The following PCLO variants were observed in gnomAD, a reference collection of about 807,000 sequenced individuals.
PCLO encodes the protein piccolo presynaptic cytomatrix protein.
In PCLO, 82 loss-of-function variants were observed where a neutral mutation model predicts 427.5. The ratio of observed to expected loss-of-function variants is 0.19; its 90% CI spans 0.16 to 0.23. The LOEUF is 0.23. Among genes scored for constraint, PCLO ranks in the 10% least tolerant of loss-of-function variants. The pLI, the probability that PCLO is intolerant of heterozygous loss-of-function variation, is 1.00. For synonymous variants in PCLO, 2,357 were observed against 2,155.4 expected, an observed-to-expected ratio of 1.09 and a Z score of -2.59; for missense variants, 6,239 against 6,115.9, an observed-to-expected ratio of 1.02 and a Z score of -0.67.
chr7:82,871,010 G>A (rs929472636), intron 10 of PCLO, among the ~76,000 whole-genome samples: 29 of 151,896 alleles, frequency 1.9e-4, no homozygotes, highest in African/African-American at 7.0e-4. Context: ...ACTGTTTGTG[G>A]CCATGTAAAT....
chr7:83,143,364 A>G (rs182680950), intron 2 of PCLO, among the ~76,000 whole-genome samples: 4 of 152,308 alleles, frequency 2.6e-5, no homozygotes, highest in Admixed American at 6.5e-5. Context: ...AGACACTAGC[A>G]TTCCTCAGAA....
intron 3 of PCLO, among the ~76,000 whole-genome samples, chr7:83,000,009 A>T (rs967622869): frequency 7.0e-6 from 1 of 142,676 alleles, no homozygotes; most frequent in South Asian, 2.3e-4. Flanking sequence ...GATCCAGGAA[A>T]CTCTGAGAAC....
chr7:82,933,107 T>A (rs6946596), intron 6 of PCLO, among the ~76,000 whole-genome samples: 83,435 of 151,758 alleles, frequency 0.55, 23,388 homozygotes, highest in East Asian at 0.8. Flanking sequence ...GATCCAGAAA[T>A]GACTCACTTT....
intron 3 of PCLO, among the ~76,000 whole-genome samples, chr7:82,995,602 G>T (rs79592457): frequency 0.035 from 5,347 of 151,970 alleles, 317 homozygotes; most frequent in African/African-American, 0.12. Flanking sequence ...GATATCAAAG[G>T]AAAAGCAATA....
At chr7:83,087,434 T>C (rs79831317) in intron 3 of PCLO, among the ~76,000 whole-genome samples, 18,453 of 151,802 alleles carry the variant, frequency 0.12, 1,426 homozygotes, top group Middle Eastern at 0.26. Context: ...CAAAAACCAC[T>C]TGTACCCCAA....
chr7:82,980,023 CCTTACA>C (rs1450927727), intron 3 of PCLO, among the ~76,000 whole-genome samples: 1 of 152,152 alleles, frequency 6.6e-6, no homozygotes, highest in African/African-American at 2.4e-5. Context: ...AGCCTCACAT[CCTTACA>C]ACTGTCATTC....
intron 3 of PCLO, among the ~76,000 whole-genome samples, chr7:83,123,766 A>T (rs980498611): frequency 1.3e-5 from 2 of 151,980 alleles, no homozygotes; most frequent in African/African-American, 4.8e-5. Flanking sequence ...GCTGAAACAA[A>T]TCCATAGAAA....
intron 4 of PCLO, among the ~76,000 whole-genome samples, chr7:82,959,580 A>T (rs1795610292): frequency 6.6e-6 from 1 of 152,180 alleles, no homozygotes; most frequent in Non-Finnish European, 1.5e-5. Flanking sequence ...AAATTAAGTG[A>T]CATTAGACAG....
chr7:83,038,920 C>A (rs75809040), intron 3 of PCLO, among the ~76,000 whole-genome samples: 1 of 151,910 alleles, frequency 6.6e-6, no homozygotes, highest in Non-Finnish European at 1.5e-5. Flanking sequence ...TTTATTCTAG[C>A]CATTCTAGTG....
At chr7:82,873,160 TTGCTA>T (rs1275684854) in intron 10 of PCLO, among the ~76,000 whole-genome samples, 1 of 149,998 alleles carries the variant, frequency 6.7e-6, no homozygotes, top group Non-Finnish European at 1.5e-5. Flanking sequence ...ACATGGCTGT[TTGCTA>T]TATTATTCTG....
intron 9 of PCLO, chr7:82,879,813 G>A: frequency 2.2e-6 from 1 of 450,418 alleles, no homozygotes; most frequent in Non-Finnish European, 4.4e-6. Context: ...TGAGACTAAG[G>A]AACATTTTAC....
chr7:82,754,984 A>G lies in PCLO; in HGVS notation c.*3591T>C, dbSNP rs1030455220. 6 of 152,288 alleles carry G rather than the reference A, an allele frequency of 3.9e-5. No homozygotes were observed. The highest frequency in any genetic ancestry group is 3.4e-3 in the Middle Eastern group (1 of 294). 9.4% of individuals were successfully genotyped at this position (152,288 alleles called of 1,614,324 possible). ...TTAAATAATAAAGTAAAAAAATACT[A>G]TAAACATCTTTATGATATTTTAATG... On this transcript the variant is annotated 3_prime_UTR_variant, in exon 25 of 25. Transcript: ENST00000333891.
intron 16 of PCLO, among the ~76,000 whole-genome samples, chr7:82,835,427 TC>T (rs1405919992): frequency 1.8e-4 from 28 of 152,324 alleles, no homozygotes; most frequent in African/African-American, 5.3e-4. Flanking sequence ...AATATTTTTT[TC>T]ATTGTTTCTA....
chr7:82,761,522 A>C, intron 22 of PCLO, 29 bp from the exon 23 acceptor site: 1 of 1,531,294 alleles, frequency 6.5e-7, no homozygotes, highest in Non-Finnish European at 8.9e-7. Flanking sequence ...AATGCAAAGA[A>C]GTATGTAATG....
chr7:82,877,733 T>C (rs1212951500), intron 10 of PCLO, among the ~76,000 whole-genome samples: 2 of 152,164 alleles, frequency 1.3e-5, no homozygotes, highest in East Asian at 3.9e-4. Context: ...TGGCATGATC[T>C]TGGCTTACTG....
In PCLO at chr7:83,162,838, C is replaced by A. The variant is rs1309002199; in HGVS notation, c.-246G>T. ...CGCCAGGCAACCTTTGCAGAAGACA[C>A]CTCCCGGACGCCGCCTCGGCGCCCC... On this transcript the variant is annotated 5_prime_UTR_variant, in exon 1 of 25. Coordinates refer to ENST00000333891, the MANE Select transcript of PCLO (RefSeq NM_033026.6). 9.3e-6 allele frequency: 5 copies of A among 536,980 alleles called. No homozygotes were observed. In the South Asian group the frequency reaches 1.0e-4, roughly 11 times the overall value. The allele number at this position is 536,980 out of a possible 1,614,324, so 33.3% of individuals were successfully genotyped here.
At chr7:82,862,566 C>CAAAAAAAAAAAAAA (rs36075501) in intron 10 of PCLO, among the ~76,000 whole-genome samples, 1 of 92,230 alleles carries the variant, frequency 1.1e-5, no homozygotes, top group Non-Finnish European at 2.1e-5. Flanking sequence ...GACTCTGCCT[C>CAAAAAAAAAAAAAA]AAAAAAAAAA....
intron 3 of PCLO, among the ~76,000 whole-genome samples, chr7:82,982,661 G>A (rs1404107070): frequency 6.6e-6 from 1 of 151,714 alleles, no homozygotes; most frequent in Non-Finnish European, 1.5e-5. Flanking sequence ...AATGTATATT[G>A]AATAATTATT....
Position 82,950,196 on chromosome 7 carries a change from A to T in PCLO, c.10392T>A (p.Thr3464=). The change falls in exon 6 of 25, where the codon ACT becomes ACA. Residue 3464 remains threonine, a synonymous_variant. Transcript: ENST00000333891. ...GGACGCTTGTATCCACACTCTTTTT[A>T]GTTCTCCTTCTCCTACTCACATAGC... ...DRSYVSRRRR[T]KKSVDTSVQT... 1 of 1,611,274 alleles carries T rather than the reference A, an allele frequency of 6.2e-7. No individual in the cohort carries two copies. The highest frequency in any genetic ancestry group is 8.5e-7 in the Non-Finnish European group (1 of 1,179,418).
Sources: allele counts gnomAD v4.1 joint callset (sites outside exome capture counted in the v4.1 genomes callset), GRCh38; gene constraint gnomAD v4.1.1; transcripts MANE v1.5; gene names NCBI Gene and HGNC (gene_info 2026-07-23, HGNC 2026-07-21).